The following CRB1 variants were observed in gnomAD, a reference collection of about 807,000 sequenced individuals.
The protein encoded by CRB1 is crumbs cell polarity complex component 1, also known as protein crumbs homolog 1.
In CRB1, 83 loss-of-function variants were observed where a neutral mutation model predicts 120.0. That is an observed-to-expected ratio of 0.69 (90% CI 0.58 to 0.83). The LOEUF (loss-of-function observed/expected upper bound fraction) is 0.83. Among genes scored for constraint, CRB1 ranks in the 40% least tolerant of loss-of-function variants. The probability of loss-of-function intolerance (pLI) is 0.00; values close to 1 mark genes in which losing one functional copy is unlikely to be tolerated. For synonymous variants in CRB1, 625 were observed against 612.5 expected (o/e 1.02, Z -0.30); for missense variants, 1,699 against 1,687.6 (o/e 1.01, Z -0.12).
Position 197,435,412 on chromosome 1 carries a change from A to G in CRB1, c.3549A>G (p.Ser1183=). ...HCELNIDECF[S]NPCIHGNCSD... ...AACTCAACATCGATGAATGCTTTTCAAACCCCTGTATCCATGGCAACTGCT... is the reference window on the plus strand; with the variant it reads ...AACTCAACATCGATGAATGCTTTTCGAACCCCTGTATCCATGGCAACTGCT... The change falls in exon 9 of 12, where the codon TCA becomes TCG. Residue 1183 remains serine, a synonymous_variant. Transcript: ENST00000367400. 1 of 1,603,532 alleles carries G rather than the reference A, an allele frequency of 6.2e-7. No individual in the cohort carries two copies. Among genetic ancestry groups the G allele is most frequent in the African/African-American group, 1.3e-5 (1 of 74,686 alleles).
intron 1 of CRB1, among the ~76,000 whole-genome samples, chr1:197,303,624 A>C (rs999482604): frequency 6.6e-5 from 10 of 152,008 alleles, no homozygotes; most frequent in Admixed American, 5.9e-4. Flanking sequence ...CAGACCCTGA[A>C]AAAAAAATAA....
At chr1:197,259,879 G>A in the CRB1 span, among the ~76,000 whole-genome samples, 1 of 152,024 alleles carries the variant, frequency 6.6e-6, no homozygotes, top group Non-Finnish European at 1.5e-5. Flanking sequence ...GCCGGGCATG[G>A]TGGCTCATGC....
At chr1:197,401,704 T>C (rs1323586099) in intron 5 of CRB1, among the ~76,000 whole-genome samples, 1 of 152,124 alleles carries the variant, frequency 6.6e-6, no homozygotes, top group African/African-American at 2.4e-5. Flanking sequence ...ATTTAACTAA[T>C]ATTCTTCCCA....
chr1:197,327,626 CA>C (rs558318876), intron 1 of CRB1, among the ~76,000 whole-genome samples: 4 of 152,070 alleles, frequency 2.6e-5, no homozygotes, highest in Admixed American at 2.6e-4. Flanking sequence ...TCTCAGCAGA[CA>C]AAAAAACTTT....
chr1:197,423,092 A>C (rs1051195189), intron 6 of CRB1, among the ~76,000 whole-genome samples: 8 of 152,166 alleles, frequency 5.3e-5, no homozygotes, highest in Non-Finnish European at 8.8e-5. Flanking sequence ...ATGCTGAGGC[A>C]ATGTTCACTT....
the CRB1 span, among the ~76,000 whole-genome samples, chr1:197,252,570 ATATATATATATATGTGTGTGTGTG>A: frequency 7.0e-4 from 34 of 48,630 alleles, no homozygotes; most frequent in South Asian, 0.019. Flanking sequence ...ATATATATAT[ATATATATATATATGTGTGTGTGTG>A]TGTGTGTGTG....
chr1:197,344,236 T>C, intron 2 of CRB1, 45 bp from the exon 3 acceptor site: 1 of 1,584,212 alleles, frequency 6.3e-7, no homozygotes, highest in South Asian at 1.1e-5. Flanking sequence ...TATGAACACT[T>C]TGCTAAAACT....
chr1:197,323,741 T>C (rs867962579), intron 1 of CRB1, among the ~76,000 whole-genome samples: 62 of 152,134 alleles, frequency 4.1e-4, no homozygotes, highest in African/African-American at 1.4e-3. Context: ...ATGTGTATGA[T>C]TGCAGCCTGA....
intron 1 of CRB1, among the ~76,000 whole-genome samples, chr1:197,276,554 A>C (rs1339867514): frequency 6.6e-6 from 1 of 151,898 alleles, no homozygotes; most frequent in Non-Finnish European, 1.5e-5. Context: ...AAATAAGTAA[A>C]TTATGTAATT....
At chr1:197,454,256 C>T (rs1313802889) in intron 11 of CRB1, among the ~76,000 whole-genome samples, 1 of 107,982 alleles carries the variant, frequency 9.3e-6, no homozygotes, top group African/African-American at 3.1e-5. Context: ...AATGATCTTA[C>T]CACAATTTTT....
intron 1 of CRB1, among the ~76,000 whole-genome samples, chr1:197,269,585 A>T (rs1362216443): frequency 1.3e-5 from 2 of 152,118 alleles, no homozygotes; most frequent in Non-Finnish European, 2.9e-5. Flanking sequence ...TTGAAACTTA[A>T]TGTGGGCCCC....
intron 1 of CRB1, among the ~76,000 whole-genome samples, chr1:197,301,631 C>T (rs1656869117): frequency 6.6e-6 from 1 of 152,110 alleles, no homozygotes; most frequent in Non-Finnish European, 1.5e-5. Flanking sequence ...CAGTAGGTAG[C>T]ATGGTAGTCT....
chr1:197,345,148 C>A (rs893383363), intron 3 of CRB1, among the ~76,000 whole-genome samples: 3 of 152,128 alleles, frequency 2.0e-5, no homozygotes, highest in Non-Finnish European at 4.4e-5. Flanking sequence ...ATTTAAGCCA[C>A]GACACTGAAG....
the CRB1 span, among the ~76,000 whole-genome samples, chr1:197,243,597 C>A: frequency 2.6e-5 from 4 of 151,910 alleles, no homozygotes; most frequent in Admixed American, 6.6e-5. Context: ...TTCCAATTAT[C>A]TCGTCAATTT....
At chr1:197,269,536 T>G (rs978541314) in intron 1 of CRB1, among the ~76,000 whole-genome samples, 20 of 152,168 alleles carry the variant, frequency 1.3e-4, no homozygotes, top group Non-Finnish European at 2.6e-4. Context: ...TCATATATAT[T>G]TACTAAAGAG....
chr1:197,314,525 A>ATTT (rs1657732078), intron 1 of CRB1, among the ~76,000 whole-genome samples: 1 of 152,144 alleles, frequency 6.6e-6, no homozygotes, highest in East Asian at 1.9e-4. Flanking sequence ...TATAGGTTAG[A>ATTT]TCTAATAATT....
the CRB1 span, among the ~76,000 whole-genome samples, chr1:197,251,307 T>C: frequency 6.6e-6 from 1 of 152,162 alleles, no homozygotes; most frequent in Non-Finnish European, 1.5e-5. Context: ...AGAAGTGTTT[T>C]GGTTGTTGTT....
intron 1 of CRB1, among the ~76,000 whole-genome samples, chr1:197,289,957 T>C (rs1656071467): frequency 6.6e-6 from 1 of 151,642 alleles, no homozygotes; most frequent in Non-Finnish European, 1.5e-5. Flanking sequence ...TTTAAGTATA[T>C]AGTTGTTATA....
chr1:197,218,232 A>T, the CRB1 span, among the ~76,000 whole-genome samples: 12 of 152,196 alleles, frequency 7.9e-5, no homozygotes, highest in Non-Finnish European at 1.3e-4. Context: ...CATGAAACAG[A>T]ATGACTCTCA....
Sources: allele counts gnomAD v4.1 joint callset (sites outside exome capture counted in the v4.1 genomes callset), GRCh38; gene constraint gnomAD v4.1.1; transcripts MANE v1.5; gene names NCBI Gene and HGNC (gene_info 2026-07-23, HGNC 2026-07-21).